KIAA1217: variants seen among roughly 807,000 people sequenced by gnomAD.
KIAA1217 encodes the protein sickle tail protein homolog.
Under a neutral mutation model 163.9 loss-of-function variants are expected in KIAA1217, and 88 were observed. The observed-to-expected ratio is 0.54, with a 90% CI of 0.45 to 0.64. KIAA1217 has a LOEUF of 0.64. Ranked by LOEUF, KIAA1217 falls within the 30% of genes least tolerant of loss-of-function variation. KIAA1217 has a pLI of 0.00. For missense variants in KIAA1217, 2,372 were observed against 2,475.0 expected, an observed-to-expected ratio of 0.96 and a Z score of 0.88; for synonymous variants, 903 against 923.1, an observed-to-expected ratio of 0.98 and a Z score of 0.39.
intron 2 of KIAA1217, among the ~76,000 whole-genome samples, chr10:24,128,429 G>A (rs543802371): frequency 4.1e-4 from 62 of 152,322 alleles, no homozygotes; most frequent in Non-Finnish European, 7.6e-4. Flanking sequence ...GATCAGCAAA[G>A]CTAATGAAAA....
At chr10:23,984,246 T>C (rs532067680) in intron 1 of KIAA1217, among the ~76,000 whole-genome samples, 2 of 152,232 alleles carry the variant, frequency 1.3e-5, no homozygotes, top group Non-Finnish European at 2.9e-5. Context: ...GGCAAATATG[T>C]CCTTCCTGGT....
chr10:24,037,304 AAAAAAAT>A (rs1293415820), intron 2 of KIAA1217, among the ~76,000 whole-genome samples: 2 of 152,064 alleles, frequency 1.3e-5, no homozygotes, highest in Non-Finnish European at 2.9e-5. Context: ...TGTCTCTACT[AAAAAAAT>A]AAAAAATAAA....
At chr10:24,077,544 G>A (rs545325880) in intron 2 of KIAA1217, among the ~76,000 whole-genome samples, 1 of 152,264 alleles carries the variant, frequency 6.6e-6, no homozygotes, top group South Asian at 2.1e-4. Context: ...GTATTCTATG[G>A]TGTATACATA....
At chr10:23,857,071 A>G (rs1311204988) in intron 1 of KIAA1217, among the ~76,000 whole-genome samples, 1 of 152,196 alleles carries the variant, frequency 6.6e-6, no homozygotes, top group African/African-American at 2.4e-5. Flanking sequence ...GGTACCTCAG[A>G]TGGAAATGCA....
intron 1 of KIAA1217, among the ~76,000 whole-genome samples, chr10:23,884,652 T>C (rs1841095460): frequency 6.6e-6 from 1 of 151,986 alleles, no homozygotes; most frequent in Non-Finnish European, 1.5e-5. Context: ...CAGACCATTA[T>C]CCAGGGAAGA....
At chr10:24,175,766 T>C (rs2065855707) in intron 2 of KIAA1217, among the ~76,000 whole-genome samples, 1 of 152,092 alleles carries the variant, frequency 6.6e-6, no homozygotes, top group South Asian at 2.1e-4. Flanking sequence ...CTGCAGACCT[T>C]CGTGGTGAGT....
rs377239953 is a variant in KIAA1217 at position 24,164,762 on chromosome 10, AC to A, written c.-170-54858del. Among the ~76,000 whole-genome samples the A allele has an allele frequency of 3.0e-3, 461 of 152,116 alleles. 1 individual carries two copies. Among genetic ancestry groups the A allele is most frequent in the African/African-American group, 0.01 (435 of 41,496 alleles). ...TAACCCCCAACAATTGGGAGCAGAC[AC>A]CCCCCTCAGGGATTCTAGGTGGAAA... On this transcript the variant is annotated intron_variant, in intron 2 of 18. Transcript: ENST00000376462.
At chr10:24,162,096 G>A (rs139805477) in intron 2 of KIAA1217, among the ~76,000 whole-genome samples, 61 of 152,322 alleles carry the variant, frequency 4.0e-4, no homozygotes, top group African/African-American at 1.5e-3. Context: ...CAAGTATTTT[G>A]AAGTGTCCAC....
At chr10:23,969,901 G>A (rs1845236702) in intron 1 of KIAA1217, among the ~76,000 whole-genome samples, 1 of 152,200 alleles carries the variant, frequency 6.6e-6, no homozygotes, top group Non-Finnish European at 1.5e-5. Flanking sequence ...AATCATGGCA[G>A]AAGGCAAAGG....
At chr10:23,865,153 T>C (rs576182655) in intron 1 of KIAA1217, among the ~76,000 whole-genome samples, 1 of 152,296 alleles carries the variant, frequency 6.6e-6, no homozygotes, top group African/African-American at 2.4e-5. Context: ...CAAGGTAACA[T>C]TGACATCCCT....
At chr10:24,170,830 A>G (rs1564785116) in intron 2 of KIAA1217, among the ~76,000 whole-genome samples, 1 of 152,170 alleles carries the variant, frequency 6.6e-6, no homozygotes, top group Non-Finnish European at 1.5e-5. Flanking sequence ...TAGCTGTGAG[A>G]TATCCTCCCT....
chr10:24,487,899 C>T (rs2065613065), intron 6 of KIAA1217, among the ~76,000 whole-genome samples: 1 of 152,160 alleles, frequency 6.6e-6, no homozygotes, highest in African/African-American at 2.4e-5. Flanking sequence ...AAAGCAACGT[C>T]AGTATAGCAT....
intron 2 of KIAA1217, among the ~76,000 whole-genome samples, chr10:24,145,596 G>A (rs1051536843): frequency 6.6e-6 from 1 of 152,180 alleles, no homozygotes; most frequent in Non-Finnish European, 1.5e-5. Context: ...TGACTCACGT[G>A]ATCACAAGGT....
rs2060008982 is a variant in KIAA1217 at position 24,436,226 on chromosome 10, T to C, written c.753-2160T>C. ...TATTTAAGTGGAAAGATCACCGATT[T>C]ATAAATTTGTCTGTAATTTTACTTT... On this transcript the variant is annotated intron_variant, in intron 4 of 20. Coordinates refer to ENST00000376454, the MANE Select transcript of KIAA1217 (RefSeq NM_019590.5). Among the ~76,000 whole-genome samples the C allele has an allele frequency of 2.6e-5, 4 of 152,178 alleles. No individual in the cohort carries two copies. The South Asian group carries it at 8.3e-4, about 31-fold the overall frequency.
chr10:23,742,091 T>C (rs1359280256), intron 1 of KIAA1217, among the ~76,000 whole-genome samples: 1 of 152,196 alleles, frequency 6.6e-6, no homozygotes, highest in Non-Finnish European at 1.5e-5. Flanking sequence ...GGACTTGGAC[T>C]GAGTGATAGT....
intron 2 of KIAA1217, 95 bp from the exon 3 acceptor site, chr10:24,380,774 T>C: frequency 1.0e-6 from 1 of 976,356 alleles, no homozygotes. Flanking sequence ...CCTTGCCATA[T>C]TATTTTTCCA....
intron 1 of KIAA1217, among the ~76,000 whole-genome samples, chr10:23,985,827 G>A (rs1316622682): frequency 6.6e-6 from 1 of 152,118 alleles, no homozygotes; most frequent in Non-Finnish European, 1.5e-5. Context: ...GGAGAAGGTT[G>A]TCACTGTCAT....
intron 4 of KIAA1217, 26 bp downstream of exon 4, chr10:24,433,219 T>C: frequency 6.4e-7 from 1 of 1,571,278 alleles, no homozygotes; most frequent in Middle Eastern, 1.7e-4. Flanking sequence ...ATTTTTTGCC[T>C]GCCATTTTGC....
chr10:24,038,574 C>G (rs1848491858), intron 2 of KIAA1217, among the ~76,000 whole-genome samples: 1 of 152,126 alleles, frequency 6.6e-6, no homozygotes, highest in African/African-American at 2.4e-5. Flanking sequence ...AATGAGCAAG[C>G]AGCCCTGCAA....
Sources: allele counts gnomAD v4.1 joint callset (sites outside exome capture counted in the v4.1 genomes callset), GRCh38; gene constraint gnomAD v4.1.1; transcripts MANE v1.5; gene names NCBI Gene and HGNC (gene_info 2026-07-23, HGNC 2026-07-21).